Variants in MTUS2 observed in about 807,000 individuals in gnomAD.
MTUS2 encodes the protein microtubule-associated tumor suppressor candidate 2.
A neutral mutation model predicts 114.1 loss-of-function variants in MTUS2; 40 were observed. The observed-to-expected ratio is 0.35, with a 90% CI of 0.27 to 0.46. The LOEUF (loss-of-function observed/expected upper bound fraction) is 0.46, where lower values mean the gene tolerates loss of function less well. Among genes scored for constraint, MTUS2 ranks in the 20% least tolerant of loss-of-function variants. MTUS2 has a pLI of 1.00. For synonymous variants in MTUS2, 688 were observed against 672.0 expected, an observed-to-expected ratio of 1.02 and a Z score of -0.37; for missense variants, 1,679 against 1,705.4, an observed-to-expected ratio of 0.98 and a Z score of 0.27.
At chr13:28,970,739 C>A (rs537737387) in intron 2 of MTUS2, among the ~76,000 whole-genome samples, 1 of 152,200 alleles carries the variant, frequency 6.6e-6, no homozygotes, top group Non-Finnish European at 1.5e-5. Context: ...TCCCCTCCAT[C>A]CCCCTCCATC....
At chr13:29,198,384 G>A (rs779737617) in intron 5 of MTUS2, among the ~76,000 whole-genome samples, 1 of 152,112 alleles carries the variant, frequency 6.6e-6, no homozygotes, top group Non-Finnish European at 1.5e-5. Flanking sequence ...GGTTGTAGAT[G>A]TGTGGCATTA....
chr13:28,980,248 C>T (rs1296374711), intron 2 of MTUS2, among the ~76,000 whole-genome samples: 1 of 152,106 alleles, frequency 6.6e-6, no homozygotes, highest in African/African-American at 2.4e-5. Flanking sequence ...AATGTTTCCC[C>T]CTAGTTTTTC....
At chr13:29,353,298 T>G (rs1449457093) in intron 7 of MTUS2, among the ~76,000 whole-genome samples, 1 of 152,144 alleles carries the variant, frequency 6.6e-6, no homozygotes, top group African/African-American at 2.4e-5. Flanking sequence ...GTCTCCCAAG[T>G]AACTAGGACT....
chr13:29,485,195 A>C (rs1334411927), intron 10 of MTUS2: 1 of 152,642 alleles, frequency 6.6e-6, no homozygotes, highest in Non-Finnish European at 1.5e-5. Flanking sequence ...GCATAGAAAG[A>C]TCTTGTGCTT....
At chr13:29,445,124 C>T (rs1303965536) in intron 9 of MTUS2, among the ~76,000 whole-genome samples, 2 of 152,172 alleles carry the variant, frequency 1.3e-5, no homozygotes, top group Non-Finnish European at 2.9e-5. Flanking sequence ...GACTTGTGTC[C>T]TCACACACTG....
chr13:29,128,178 C>G (rs1891599495), intron 5 of MTUS2, among the ~76,000 whole-genome samples: 2 of 152,214 alleles, frequency 1.3e-5, no homozygotes, highest in African/African-American at 4.8e-5. Context: ...AGGCATGACA[C>G]ATTGCAGCAG....
At position 29,222,134 on chromosome 13, in the gene MTUS2, G is replaced by A. The variant is rs8002499; in HGVS notation, c.2645-59570G>A. ...GCTTAATTTTATTTGATTTTTTACA[G>A]AAATAACTGGCAGTTCAGGAACTAT... On this transcript the variant is annotated intron_variant, in intron 5 of 15. Transcript: ENST00000612955. Among the ~76,000 whole-genome samples, 1,431 of 152,234 alleles carry A rather than the reference G, an allele frequency of 9.4e-3. 19 individuals carry two copies. Among genetic ancestry groups the A allele is most frequent in the African/African-American group, 0.033 (1,362 of 41,550 alleles).
chr13:29,289,317 G>C (rs575855535), intron 6 of MTUS2, among the ~76,000 whole-genome samples: 1 of 152,214 alleles, frequency 6.6e-6, no homozygotes, highest in Non-Finnish European at 1.5e-5. Context: ...GCCTGTCTTA[G>C]CCACTGGACT....
intron 5 of MTUS2, among the ~76,000 whole-genome samples, chr13:29,203,923 TCTG>T (rs1295900881): frequency 6.6e-6 from 1 of 151,862 alleles, no homozygotes; most frequent in African/African-American, 2.4e-5. Flanking sequence ...TCACCCACCC[TCTG>T]CATTGATCTT....
At chr13:28,907,816 A>C (rs1880137930) in intron 2 of MTUS2, among the ~76,000 whole-genome samples, 1 of 151,454 alleles carries the variant, frequency 6.6e-6, no homozygotes, top group Non-Finnish European at 1.5e-5. Flanking sequence ...AGACTTTAAC[A>C]CCCCACTGTC....
At chr13:29,502,718 C>G (rs1882988678) in intron 15 of MTUS2, among the ~76,000 whole-genome samples, 1 of 152,262 alleles carries the variant, frequency 6.6e-6, no homozygotes, top group African/African-American at 2.4e-5. Context: ...AGTCGCTGGC[C>G]TTTGCTCTGT....
chr13:29,505,030 CCTT>C lies in MTUS2; in HGVS notation c.*1827_*1829del, dbSNP rs1566245271. ...CCAGCCAACCTCCAAGGGTCTTGCTCCTTCTGGGGACGTACACAGTAAATCCAC... is the reference window on the plus strand; with the variant it reads ...CCAGCCAACCTCCAAGGGTCTTGCTCCTGGGGACGTACACAGTAAATCCAC... On this transcript the variant is annotated 3_prime_UTR_variant, in exon 16 of 16. Coordinates refer to ENST00000612955, the MANE Select transcript of MTUS2 (RefSeq NM_001033602.4). The C allele has an allele frequency of 4.3e-6, 1 of 232,614 alleles. No homozygotes were observed. The highest frequency in any genetic ancestry group is 8.5e-6 in the Non-Finnish European group (1 of 117,732). The allele number at this position is 232,614 out of a possible 1,614,324, so 14.4% of individuals were successfully genotyped here. A position where few individuals can be genotyped will look rare whatever the true frequency, so the allele number is the denominator to read the frequency against.
chr13:29,041,811 A>G (rs1193778857), intron 4 of MTUS2, among the ~76,000 whole-genome samples: 10 of 152,108 alleles, frequency 6.6e-5, no homozygotes, highest in Non-Finnish European at 1.5e-4. Flanking sequence ...GTGTATATTG[A>G]TTTTGTATCC....
At chr13:29,286,706 T>C (rs1280818034) in intron 6 of MTUS2, among the ~76,000 whole-genome samples, 3 of 53,812 alleles carry the variant, frequency 5.6e-5, no homozygotes, top group African/African-American at 1.8e-4. Context: ...ATCTTACTTA[T>C]TTGAGACAGA....
chr13:29,308,887 A>C (rs916439655), intron 6 of MTUS2, among the ~76,000 whole-genome samples: 1 of 152,072 alleles, frequency 6.6e-6, no homozygotes, highest in Non-Finnish European at 1.5e-5. Flanking sequence ...TTACAAAGTT[A>C]AAAACAAAAC....
chr13:29,387,689 G>A (rs1016417670), intron 8 of MTUS2, among the ~76,000 whole-genome samples: 4 of 152,278 alleles, frequency 2.6e-5, no homozygotes, highest in East Asian at 1.9e-4. Context: ...GGAGACACGT[G>A]TGTGGGAAAA....
intron 2 of MTUS2, among the ~76,000 whole-genome samples, chr13:28,846,053 A>ATATAT (rs1555267184): frequency 3.3e-5 from 3 of 91,900 alleles, no homozygotes; most frequent in Non-Finnish European, 7.1e-5. Flanking sequence ...TCTTAAAAAA[A>ATATAT]AAATATATAT....
chr13:29,253,368 G>A (rs1003190264), intron 5 of MTUS2, among the ~76,000 whole-genome samples: 1 of 151,916 alleles, frequency 6.6e-6, no homozygotes, highest in Non-Finnish European at 1.5e-5. Flanking sequence ...AGAGGTTTCA[G>A]TGAGCCAAGA....
chr13:29,420,380 C>T (rs765825831), intron 8 of MTUS2, among the ~76,000 whole-genome samples: 3 of 151,284 alleles, frequency 2.0e-5, no homozygotes, highest in East Asian at 1.9e-4. Context: ...TCAGTTCAAG[C>T]GATTCTCCTG....
Sources: gnomAD v4.1 joint callset for allele counts (sites outside exome capture counted in the v4.1 genomes callset) on GRCh38, gnomAD v4.1.1 for gene constraint, MANE v1.5 for transcripts, NCBI Gene and HGNC (gene_info 2026-07-23, HGNC 2026-07-21) for gene names.